Variants in SPRED1 observed in about 807,000 individuals in gnomAD.
The protein encoded by SPRED1 is sprouty related EVH1 domain containing 1, also known as sprouty-related, EVH1 domain-containing protein 1.
SPRED1 carries 18 observed loss-of-function variants against 52.3 expected under a neutral mutation model. The ratio of observed to expected loss-of-function variants is 0.34; its 90% confidence interval spans 0.24 to 0.51. The LOEUF is 0.51. Ranked by LOEUF, SPRED1 falls within the 20% of genes least tolerant of loss-of-function variation. The pLI is 0.97. For missense variants in SPRED1, 485 were observed against 551.0 expected (o/e 0.88, Z 1.20); for synonymous variants, 155 against 179.7 (o/e 0.86, Z 1.10).
chr15:38,321,616 CAA>C (rs1312515598), intron 2 of SPRED1, among the ~76,000 whole-genome samples: 7 of 152,202 alleles, frequency 4.6e-5, no homozygotes, highest in African/African-American at 1.4e-4. Context: ...GTTTTTGAGA[CAA>C]AGTCTCACTG....
At chr15:38,350,039 T>C (rs1261355320) in intron 6 of SPRED1, among the ~76,000 whole-genome samples, 1 of 152,126 alleles carries the variant, frequency 6.6e-6, no homozygotes. Context: ...GAAGTAGGGG[T>C]ATTTTACGTC....
chr15:38,323,652 T>C (rs1451915473), intron 3 of SPRED1, among the ~76,000 whole-genome samples: 1 of 152,086 alleles, frequency 6.6e-6, no homozygotes, highest in African/African-American at 2.4e-5. Context: ...CATGATGTTC[T>C]GTGCCTCATT....
chr15:38,295,789 T>C (rs1248485221), intron 1 of SPRED1, among the ~76,000 whole-genome samples: 1 of 152,172 alleles, frequency 6.6e-6, no homozygotes, highest in Non-Finnish European at 1.5e-5. Flanking sequence ...CTTATAAATA[T>C]TACAAAAACT....
chr15:38,283,954 C>T (rs548496858), intron 1 of SPRED1, among the ~76,000 whole-genome samples: 67 of 152,138 alleles, frequency 4.4e-4, no homozygotes, highest in Middle Eastern at 3.4e-3. Flanking sequence ...TATTAGAGCT[C>T]AGATCACTTT....
chr15:38,342,698 A>G (rs552259266), intron 5 of SPRED1, among the ~76,000 whole-genome samples: 2 of 152,210 alleles, frequency 1.3e-5, no homozygotes, highest in South Asian at 2.1e-4. Context: ...TACCCTTCCT[A>G]TTAAGAAATA....
intron 1 of SPRED1, among the ~76,000 whole-genome samples, chr15:38,260,146 GCAA>G (rs1435312564): frequency 5.3e-5 from 8 of 152,304 alleles, no homozygotes; most frequent in Non-Finnish European, 8.8e-5. Flanking sequence ...GGCTTAAAAA[GCAA>G]CAACAAGTTT....
intron 2 of SPRED1, among the ~76,000 whole-genome samples, chr15:38,300,461 A>C (rs1241786961): frequency 6.6e-6 from 1 of 152,178 alleles, no homozygotes. Flanking sequence ...AGCTCCAAAT[A>C]ATTCTTCCAT....
In SPRED1 at chr15:38,303,045, G is replaced by A. The variant is rs1041588881; in HGVS notation, c.207+3498G>A. On this transcript the variant is annotated intron_variant, in intron 2 of 6. Coordinates refer to ENST00000299084, the MANE Select transcript of SPRED1 (RefSeq NM_152594.3). ...AACAACAAAAAATAATTAGCCAGGC[G>A]TGGTGGCACGTGCCTGTAGTCCCAG... Among the ~76,000 whole-genome samples the A allele has an allele frequency of 2.0e-5, 3 of 152,154 alleles. No homozygotes were observed. In the South Asian group the frequency reaches 6.2e-4, roughly 32 times the overall value.
intron 1 of SPRED1, among the ~76,000 whole-genome samples, chr15:38,256,120 A>C (rs2140945525): frequency 6.6e-6 from 1 of 152,302 alleles, no homozygotes. Flanking sequence ...TTAATGCCAA[A>C]CCAAGTAAGG....
chr15:38,309,634 A>T (rs1895321722), intron 2 of SPRED1, among the ~76,000 whole-genome samples: 1 of 152,148 alleles, frequency 6.6e-6, no homozygotes, highest in African/African-American at 2.4e-5. Context: ...TTCATGGATC[A>T]TACTTTGGTG....
intron 1 of SPRED1, among the ~76,000 whole-genome samples, chr15:38,258,392 T>C (rs1044736940): frequency 1.3e-5 from 2 of 152,190 alleles, no homozygotes; most frequent in African/African-American, 4.8e-5. Flanking sequence ...GGCTACATTA[T>C]GTTCAGTGTA....
chr15:38,355,928 G>T lies in SPRED1; in HGVS notation c.*4264G>T, dbSNP rs1342198486. 1 of 149,802 alleles carries T rather than the reference G, an allele frequency of 6.7e-6. No individual in the cohort carries two copies. Among genetic ancestry groups the T allele is most frequent in the Non-Finnish European group, 1.5e-5 (1 of 67,342 alleles). The allele number at this position is 149,802 out of a possible 1,614,324, so 9.3% of individuals were successfully genotyped here. A position where few individuals can be genotyped will look rare whatever the true frequency, so the allele number is the denominator to read the frequency against. ...CGGAGGTGATTTATATAAACCAAAA[G>T]AAAAAAAAAGGCTTTAAGGTATTAG... On this transcript the variant is annotated 3_prime_UTR_variant, in exon 7 of 7. Coordinates refer to ENST00000299084, the MANE Select transcript of SPRED1 (RefSeq NM_152594.3).
chr15:38,320,106 T>A (rs1052240331), intron 2 of SPRED1, among the ~76,000 whole-genome samples: 1 of 152,206 alleles, frequency 6.6e-6, no homozygotes, highest in Admixed American at 6.5e-5. Context: ...ATTTATTATT[T>A]TATTTTTAAT....
At chr15:38,332,493 A>G (rs985865906) in intron 4 of SPRED1, among the ~76,000 whole-genome samples, 1 of 152,140 alleles carries the variant, frequency 6.6e-6, no homozygotes, top group Non-Finnish European at 1.5e-5. Flanking sequence ...GGATCATTTG[A>G]GCCTAGAAGG....
chr15:38,322,501 C>CT, intron 3 of SPRED1, 92 bp downstream of exon 3: 1 of 1,337,132 alleles, frequency 7.5e-7, no homozygotes, highest in Admixed American at 1.8e-5. Flanking sequence ...AGTTTTCACA[C>CT]TTTAACCATG....
chr15:38,297,719 G>A (rs1364918975), intron 1 of SPRED1, among the ~76,000 whole-genome samples: 1 of 152,086 alleles, frequency 6.6e-6, no homozygotes, highest in African/African-American at 2.4e-5. Flanking sequence ...GGATGGTAGT[G>A]TCTTCGGTTT....
intron 1 of SPRED1, among the ~76,000 whole-genome samples, chr15:38,263,457 T>C (rs1894242757): frequency 6.6e-6 from 1 of 152,092 alleles, no homozygotes; most frequent in African/African-American, 2.4e-5. Flanking sequence ...AATGGAAAGA[T>C]GACAAGTGAG....
intron 1 of SPRED1, among the ~76,000 whole-genome samples, chr15:38,283,175 G>T (rs1361891417): frequency 2.0e-5 from 3 of 152,162 alleles, no homozygotes; most frequent in Admixed American, 6.5e-5. Flanking sequence ...GGGGAAGTAG[G>T]CGCCTTCCTC....
chr15:38,351,622 G>A lies in SPRED1; in HGVS notation c.1293G>A (p.Glu431=). The A allele has an allele frequency of 6.2e-7, 1 of 1,613,974 alleles. No homozygotes were observed. The change falls in exon 7 of 7, where the codon GAG becomes GAA. Residue 431 remains glutamate, a synonymous_variant. Transcript: ENST00000299084. ...VPLRMCHRCG[E]ACGCCGGKHK... is the part of the protein sequence containing the mutation. ...TGAGAATGTGCCATCGCTGTGGTGA[G>A]GCATGTGGTTGCTGTGGTGGGAAAC...
Sources: allele counts gnomAD v4.1 joint callset (sites outside exome capture counted in the v4.1 genomes callset), GRCh38; gene constraint gnomAD v4.1.1; transcripts MANE v1.5; gene names NCBI Gene and HGNC (gene_info 2026-07-23, HGNC 2026-07-21).